ZNF385D: variants seen among roughly 807,000 people sequenced by gnomAD.
The protein encoded by ZNF385D is zinc finger protein 385D, also known as zinc finger protein 659.
ZNF385D carries 15 observed loss-of-function variants against 35.8 expected under a neutral mutation model. That is an observed-to-expected ratio of 0.42 (90% CI 0.28 to 0.64). The LOEUF is 0.64. Among genes scored for constraint, ZNF385D ranks in the 30% least tolerant of loss-of-function variants. The pLI is 0.23. For synonymous variants in ZNF385D, 212 were observed against 186.8 expected (o/e 1.13, Z -1.10); for missense variants, 474 against 494.6 (o/e 0.96, Z 0.39).
At chr3:21,833,115 C>T (rs537881388) in intron 3 of ZNF385D, among the ~76,000 whole-genome samples, 1 of 152,062 alleles carries the variant, frequency 6.6e-6, no homozygotes. Context: ...ACCTACTGTA[C>T]CAGATACTGT....
At chr3:21,528,503 T>C (rs1455847320) in intron 3 of ZNF385D, among the ~76,000 whole-genome samples, 3 of 152,138 alleles carry the variant, frequency 2.0e-5, no homozygotes, top group Non-Finnish European at 4.4e-5. Flanking sequence ...GCCTGCTTGA[T>C]GCAGACAAAT....
chr3:22,127,317 C>CCTTTTTTTTTTTTTTTTTTT (rs1703492425), intron 3 of ZNF385D, among the ~76,000 whole-genome samples: 1 of 56,308 alleles, frequency 1.8e-5, no homozygotes, highest in African/African-American at 7.9e-5. Context: ...TCATTTCCTG[C>CCTTTTTTTTTTTTTTTTTTT]TTTTTTTTTT....
chr3:22,283,040 TA>T, intron 2 of ZNF385D, among the ~76,000 whole-genome samples: 1 of 152,152 alleles, frequency 6.6e-6, no homozygotes, highest in Admixed American at 6.5e-5. Context: ...TAACTATTTT[TA>T]TATCAGAAAA....
chr3:21,583,421 C>CAAAG (rs1257083718), intron 2 of ZNF385D, among the ~76,000 whole-genome samples: 3 of 152,034 alleles, frequency 2.0e-5, no homozygotes, highest in African/African-American at 7.2e-5. Context: ...ATTTTCTTAT[C>CAAAG]AAAGAATGCA....
At chr3:21,530,873 G>A (rs1352555358) in intron 3 of ZNF385D, among the ~76,000 whole-genome samples, 1 of 152,054 alleles carries the variant, frequency 6.6e-6, no homozygotes, top group Non-Finnish European at 1.5e-5. Context: ...AAAACAATCC[G>A]TGTTTATTTA....
At chr3:21,860,218 T>C (rs183641763) in intron 3 of ZNF385D, among the ~76,000 whole-genome samples, 235 of 152,218 alleles carry the variant, frequency 1.5e-3, no homozygotes, top group African/African-American at 5.5e-3. Flanking sequence ...GAGACAGATA[T>C]TAATGTTTTC....
intron 3 of ZNF385D, among the ~76,000 whole-genome samples, chr3:22,090,238 T>G (rs139198537): frequency 6.6e-6 from 1 of 152,200 alleles, no homozygotes; most frequent in African/African-American, 2.4e-5. Flanking sequence ...ATGATGACAT[T>G]TGGGGAATAT....
At chr3:21,694,237 G>A (rs2067392075) in intron 1 of ZNF385D, among the ~76,000 whole-genome samples, 2 of 151,814 alleles carry the variant, frequency 1.3e-5, no homozygotes, top group African/African-American at 2.4e-5. Flanking sequence ...TGGAGACGGG[G>A]TTTCACCGTG....
chr3:21,731,911 T>C (rs1559561656), intron 1 of ZNF385D, among the ~76,000 whole-genome samples: 1 of 152,118 alleles, frequency 6.6e-6, no homozygotes, highest in Middle Eastern at 3.4e-3. Flanking sequence ...CTTAATAATA[T>C]AGCATCATGT....
intron 2 of ZNF385D, among the ~76,000 whole-genome samples, chr3:21,576,118 A>G (rs1338873122): frequency 6.6e-6 from 1 of 152,182 alleles, no homozygotes; most frequent in African/African-American, 2.4e-5. Context: ...TCAACTAAAC[A>G]GTGGAGCAGT....
chr3:22,040,452 ATG>A (rs1209309075), intron 3 of ZNF385D, among the ~76,000 whole-genome samples: 1 of 152,174 alleles, frequency 6.6e-6, no homozygotes, highest in African/African-American at 2.4e-5. Context: ...AAGCCCAGCA[ATG>A]TGACTCCAAA....
At chr3:22,222,631 C>T (rs1698326083) in intron 2 of ZNF385D, among the ~76,000 whole-genome samples, 1 of 152,110 alleles carries the variant, frequency 6.6e-6, no homozygotes, top group African/African-American at 2.4e-5. Context: ...CTACTTACTG[C>T]TCTGAAGCTC....
intron 3 of ZNF385D, among the ~76,000 whole-genome samples, chr3:21,806,643 G>C (rs2072663280): frequency 6.6e-6 from 1 of 152,128 alleles, no homozygotes; most frequent in Admixed American, 6.5e-5. Flanking sequence ...TTTTTTGGGA[G>C]ATTTTGTTGC....
At chr3:21,489,379 G>T (rs930204233) in intron 4 of ZNF385D, among the ~76,000 whole-genome samples, 4 of 152,110 alleles carry the variant, frequency 2.6e-5, no homozygotes, top group Admixed American at 6.6e-5. Flanking sequence ...AGAAAGCTGG[G>T]TATAGCAAAG....
At chr3:21,944,466 G>T (rs552576779) in intron 3 of ZNF385D, among the ~76,000 whole-genome samples, 15 of 152,200 alleles carry the variant, frequency 9.9e-5, no homozygotes, top group African/African-American at 2.9e-4. Flanking sequence ...CCAGTGACTG[G>T]AGCCTGGCTT....
chr3:21,810,587 A>C (rs1400336075), intron 3 of ZNF385D, among the ~76,000 whole-genome samples: 1 of 152,142 alleles, frequency 6.6e-6, no homozygotes, highest in Non-Finnish European at 1.5e-5. Flanking sequence ...TTAATAAAAT[A>C]TAAACCAAAA....
intron 3 of ZNF385D, among the ~76,000 whole-genome samples, chr3:21,785,468 T>C (rs2071652900): frequency 6.6e-6 from 1 of 152,160 alleles, no homozygotes; most frequent in Non-Finnish European, 1.5e-5. Context: ...CACTATGCAA[T>C]ATTAATAACT....
chr3:22,130,812 C>T (rs80096459), intron 3 of ZNF385D, among the ~76,000 whole-genome samples: 7,695 of 152,168 alleles, frequency 0.051, 819 homozygotes, highest in East Asian at 0.4. Context: ...TATGAAGGTA[C>T]CTTCTTCTGT....
chr3:21,883,197 G>C (rs1160509547), intron 3 of ZNF385D, among the ~76,000 whole-genome samples: 3 of 151,762 alleles, frequency 2.0e-5, no homozygotes, highest in South Asian at 2.1e-4. Flanking sequence ...TTCTCATCAA[G>C]AGCTCAATTT....
Sources: gnomAD v4.1 joint callset for allele counts (sites outside exome capture counted in the v4.1 genomes callset) on GRCh38, gnomAD v4.1.1 for gene constraint, MANE v1.5 for transcripts, NCBI Gene and HGNC (gene_info 2026-07-23, HGNC 2026-07-21) for gene names.